The following CNTLN variants were observed in gnomAD, a reference collection of about 807,000 sequenced individuals.
The protein encoded by CNTLN is centlein, also known as centlein, centrosomal protein.
Under a neutral mutation model 180.0 loss-of-function variants are expected in CNTLN, and 212 were observed. That is an observed-to-expected ratio of 1.18 (90% confidence interval 1.05 to 1.32). The LOEUF is 1.32. Ranked by LOEUF, CNTLN falls within the 40% of genes most tolerant of loss-of-function variation. The pLI is 0.00. For missense variants in CNTLN, 2,095 were observed against 1,610.9 expected, an observed-to-expected ratio of 1.30 and a Z score of -5.14; for synonymous variants, 722 against 563.1, an observed-to-expected ratio of 1.28 and a Z score of -3.99.
intron 12 of CNTLN, among the ~76,000 whole-genome samples, chr9:17,354,020 G>A (rs1168225878): frequency 3.9e-5 from 6 of 152,292 alleles, no homozygotes; most frequent in South Asian, 2.1e-4. Context: ...TGGCGGCCCC[G>A]CACTCGGAGC....
At chr9:17,528,157 C>T in the CNTLN span, among the ~76,000 whole-genome samples, 1 of 152,196 alleles carries the variant, frequency 6.6e-6, no homozygotes, top group Non-Finnish European at 1.5e-5. Context: ...CCCCCTACTC[C>T]TTATGTGTGG....
At chr9:17,260,937 TC>T (rs1563930510) in intron 5 of CNTLN, among the ~76,000 whole-genome samples, 1 of 151,504 alleles carries the variant, frequency 6.6e-6, no homozygotes, top group African/African-American at 2.4e-5. Flanking sequence ...GGGGGTCTTT[TC>T]CCCATTTCAT....
At chr9:17,148,740 T>C (rs1475015060) in intron 2 of CNTLN, among the ~76,000 whole-genome samples, 1 of 152,210 alleles carries the variant, frequency 6.6e-6, no homozygotes, top group African/African-American at 2.4e-5. Flanking sequence ...GTTGGAAACA[T>C]GTGGGTTGTG....
At chr9:17,386,943 G>A (rs1825728160) in intron 13 of CNTLN, among the ~76,000 whole-genome samples, 1 of 152,190 alleles carries the variant, frequency 6.6e-6, no homozygotes, top group Non-Finnish European at 1.5e-5. Flanking sequence ...GCACCATGGT[G>A]TTAGGGGACT....
chr9:17,521,305 C>T, the CNTLN span, among the ~76,000 whole-genome samples: 1,098 of 28,984 alleles, frequency 0.038, 14 homozygotes, highest in African/African-American at 0.068. Flanking sequence ...GGAAATGGAA[C>T]ATAAAGAATG....
chr9:17,323,385 G>C (rs1167102090), intron 8 of CNTLN, among the ~76,000 whole-genome samples: 1 of 152,212 alleles, frequency 6.6e-6, no homozygotes, highest in Admixed American at 6.5e-5. Context: ...TGGTGCATGT[G>C]TAGAACATTA....
At chr9:17,474,268 T>C (rs780557942) in intron 23 of CNTLN, among the ~76,000 whole-genome samples, 1 of 152,156 alleles carries the variant, frequency 6.6e-6, no homozygotes, top group South Asian at 2.1e-4. Context: ...TACAAAAAAG[T>C]TGAAAAAAAA....
intron 3 of CNTLN, among the ~76,000 whole-genome samples, chr9:17,232,766 A>G (rs1824894028): frequency 6.6e-6 from 1 of 151,830 alleles, no homozygotes; most frequent in African/African-American, 2.4e-5. Flanking sequence ...CAAATGTATA[A>G]TATAGATAAT....
chr9:17,432,100 G>A (rs1829450761), intron 18 of CNTLN, among the ~76,000 whole-genome samples: 1 of 152,074 alleles, frequency 6.6e-6, no homozygotes, highest in African/African-American at 2.4e-5. Flanking sequence ...CCAGTACTTT[G>A]AAACATGAAT....
At chr9:17,446,864 A>C (rs1042984886) in intron 18 of CNTLN, among the ~76,000 whole-genome samples, 12 of 152,336 alleles carry the variant, frequency 7.9e-5, no homozygotes, top group African/African-American at 2.9e-4. Flanking sequence ...AAGTATTGAA[A>C]TCTGATTTCT....
intron 13 of CNTLN, among the ~76,000 whole-genome samples, chr9:17,387,853 A>G (rs1587852627): frequency 6.6e-6 from 1 of 151,954 alleles, no homozygotes; most frequent in African/African-American, 2.4e-5. Flanking sequence ...CTTTTAAGGC[A>G]AAGGGGGAAT....
intron 13 of CNTLN, among the ~76,000 whole-genome samples, chr9:17,368,452 A>G (rs535267123): frequency 2.6e-5 from 4 of 152,244 alleles, no homozygotes; most frequent in African/African-American, 9.6e-5. Flanking sequence ...CACAAGTCTG[A>G]CTGGCTTCAC....
At chr9:17,527,496 T>C in the CNTLN span, among the ~76,000 whole-genome samples, 1 of 152,192 alleles carries the variant, frequency 6.6e-6, no homozygotes, top group Non-Finnish European at 1.5e-5. Context: ...CTGCGATGCA[T>C]GTATACTGGG....
At chr9:17,439,251 A>G (rs1470205924) in intron 18 of CNTLN, among the ~76,000 whole-genome samples, 1 of 152,184 alleles carries the variant, frequency 6.6e-6, no homozygotes, top group Non-Finnish European at 1.5e-5. Flanking sequence ...GATATACATT[A>G]TTTTAACAGA....
intron 25 of CNTLN, among the ~76,000 whole-genome samples, chr9:17,499,275 A>T (rs1304965299): frequency 2.0e-5 from 3 of 152,202 alleles, no homozygotes; most frequent in African/African-American, 7.2e-5. Flanking sequence ...AGATTAAATT[A>T]TGTTCCATCT....
At chr9:17,367,339 T>A (rs549282301) in intron 13 of CNTLN, among the ~76,000 whole-genome samples, 2 of 152,150 alleles carry the variant, frequency 1.3e-5, no homozygotes, top group Non-Finnish European at 2.9e-5. Context: ...CCCATCCCAG[T>A]GGTTGGAACC....
chr9:17,221,223 A>C (rs1268222921), intron 2 of CNTLN, among the ~76,000 whole-genome samples: 1 of 152,114 alleles, frequency 6.6e-6, no homozygotes, highest in Non-Finnish European at 1.5e-5. Flanking sequence ...TTGAGATAAT[A>C]TATTAGTGAC....
At chr9:17,216,491 G>A (rs1482284155) in intron 2 of CNTLN, among the ~76,000 whole-genome samples, 1 of 151,992 alleles carries the variant, frequency 6.6e-6, no homozygotes, top group Non-Finnish European at 1.5e-5. Context: ...TGTTTTTATT[G>A]GCCGGTTTAT....
In CNTLN at chr9:17,394,588, AAAG is replaced by A. The variant is rs752029943; in HGVS notation, c.2138_2140del (p.Glu713del). On this transcript the variant is annotated inframe_deletion, in exon 15 of 26. Transcript: ENST00000380647. ...TTTTGAGAAAAGGTCGAGAAAATTA[AAAG>A]AAGGGAATAAAAAATTAATGAAAGA... 1.8e-5 allele frequency: 29 copies of A among 1,594,994 alleles called. No homozygotes were observed. Among genetic ancestry groups the A allele is most frequent in the Non-Finnish European group, 2.1e-5 (25 of 1,175,064 alleles).
Sources: allele counts gnomAD v4.1 joint callset (sites outside exome capture counted in the v4.1 genomes callset), GRCh38; gene constraint gnomAD v4.1.1; transcripts MANE v1.5; gene names NCBI Gene and HGNC (gene_info 2026-07-23, HGNC 2026-07-21).